The following TANK variants were observed in gnomAD, a reference collection of about 807,000 sequenced individuals.
TANK encodes TRAF family member associated NFKB activator.
In TANK, 15 loss-of-function variants were observed where a neutral mutation model predicts 43.6. That is an observed-to-expected ratio of 0.34 (90% CI 0.23 to 0.53). The LOEUF is 0.53. Among genes scored for constraint, TANK ranks in the 20% least tolerant of loss-of-function variants. The probability of loss-of-function intolerance (pLI) is 0.94; values close to 1 mark genes in which losing one functional copy is unlikely to be tolerated. For synonymous variants in TANK, 162 were observed against 178.2 expected, an observed-to-expected ratio of 0.91 and a Z score of 0.73; for missense variants, 417 against 498.6, an observed-to-expected ratio of 0.84 and a Z score of 1.56.
intron 4 of TANK, chr2:161,211,777 G>A (rs1686899917): frequency 1.0e-6 from 1 of 985,476 alleles, no homozygotes; most frequent in Admixed American, 6.1e-5. Flanking sequence ...ACAGGCCAAT[G>A]TAGGCTGGGG....
rs574435879 is a variant in TANK, at chr2:161,175,113, C to G, written c.-49-4501C>G. Among the ~76,000 whole-genome samples the G allele has an allele frequency of 2.0e-5, 3 of 152,238 alleles. No homozygotes were observed. In the South Asian group the frequency reaches 6.2e-4, roughly 32 times the overall value. On this transcript the variant is annotated intron_variant, in intron 1 of 7. Coordinates refer to ENST00000392749, the MANE Select transcript of TANK (RefSeq NM_001199135.3). ...TTGGATATCTTAGGATGCTCATATA[C>G]TATATGCTTCAAGTTACAGTTAATG...
At chr2:161,160,262 G>C (rs1421945500), upstream of TANK, 3 of 414,988 alleles carry the variant, frequency 7.2e-6, no homozygotes, top group Non-Finnish European at 1.2e-5. Context: ...GCAGGGCTGG[G>C]GGAGGGCGCT....
At chr2:161,200,318 T>A (rs1422645314) in intron 2 of TANK, 1 of 980,174 alleles carries the variant, frequency 1.0e-6, no homozygotes, top group Admixed American at 6.2e-5. Flanking sequence ...AAAAAAATAC[T>A]ATGACTGTGC....
At chr2:161,169,644 A>G (rs1684855321) in intron 1 of TANK, among the ~76,000 whole-genome samples, 1 of 152,180 alleles carries the variant, frequency 6.6e-6, no homozygotes, top group Admixed American at 6.5e-5. Context: ...TAGGAAGGGG[A>G]AAGCAGAGGA....
intron 1 of TANK, among the ~76,000 whole-genome samples, chr2:161,141,723 T>C (rs1683752655): frequency 6.6e-6 from 1 of 152,194 alleles, no homozygotes; most frequent in Non-Finnish European, 1.5e-5. Context: ...CTTTATCCTG[T>C]CTATCACTGA....
chr2:161,142,091 T>C (rs902455706), intron 1 of TANK, among the ~76,000 whole-genome samples: 2 of 152,186 alleles, frequency 1.3e-5, no homozygotes, highest in African/African-American at 4.8e-5. Context: ...GATGTTGAGC[T>C]TTTTTCCATA....
At chr2:161,231,622 C>A in intron 7 of TANK, 71 bp downstream of exon 7, 1 of 1,362,726 alleles carries the variant, frequency 7.3e-7, no homozygotes, top group Non-Finnish European at 1.0e-6. Flanking sequence ...CACAGATATG[C>A]ATCTCTTTTA....
At chr2:161,203,795 T>G (rs1275601651) in intron 3 of TANK, among the ~76,000 whole-genome samples, 200 bp downstream of exon 3, 1 of 152,058 alleles carries the variant, frequency 6.6e-6, no homozygotes, top group Non-Finnish European at 1.5e-5. Flanking sequence ...CTATACTATA[T>G]GGTAGAACTC....
chr2:161,172,210 C>T (rs1175409020), intron 1 of TANK, among the ~76,000 whole-genome samples: 3 of 152,148 alleles, frequency 2.0e-5, no homozygotes, highest in East Asian at 3.8e-4. Context: ...TTCTGGCCTC[C>T]TTCAAAGAAA....
intron 6 of TANK, among the ~76,000 whole-genome samples, chr2:161,229,071 C>A (rs1328371239): frequency 6.6e-6 from 1 of 152,222 alleles, no homozygotes; most frequent in African/African-American, 2.4e-5. Context: ...GTTCTCAGGG[C>A]ATCCAAGAGT....
rs755334395 is a variant in TANK, at chr2:161,203,574, C to T, written c.187C>T (p.Leu63Phe). ...TIIDKLKSQL[L>F]LVNSTQDNNY... ...TATTGACAAGCTAAAATCTCAGTTA[C>T]TTCTTGTGAATTCCACTCAAGGTAT... is the stretch of plus-strand genomic sequence containing the variant. The change falls in exon 3 of 8, where the codon CTT becomes TTT. Residue 63 changes from leucine to phenylalanine, a missense_variant. Leu to Phe is a conservative substitution (Grantham distance 22). Transcript: ENST00000392749. The T allele has an allele frequency of 2.3e-5, 37 of 1,609,918 alleles. No individual in the cohort carries two copies. The highest frequency in any genetic ancestry group is 3.1e-5 in the Non-Finnish European group (37 of 1,177,914).
chr2:161,185,743 G>A (rs1326483724), intron 2 of TANK, among the ~76,000 whole-genome samples: 1 of 149,866 alleles, frequency 6.7e-6, no homozygotes, highest in African/African-American at 2.4e-5. Context: ...GGATAGCATT[G>A]GGAGATATAC....
chr2:161,191,647 G>C (rs553454987), intron 2 of TANK, among the ~76,000 whole-genome samples: 2 of 152,212 alleles, frequency 1.3e-5, no homozygotes, highest in East Asian at 3.9e-4. Flanking sequence ...AGTAGAGCTA[G>C]AATTTGCAAA....
At chr2:161,163,898 A>G (rs529366919) in intron 1 of TANK, among the ~76,000 whole-genome samples, 1 of 152,344 alleles carries the variant, frequency 6.6e-6, no homozygotes, top group Non-Finnish European at 1.5e-5. Context: ...ATAATAGTGT[A>G]ATCTTTGATA....
In TANK at chr2:161,235,602, T is replaced by G; in HGVS notation, c.*84T>G. On this transcript the variant is annotated 3_prime_UTR_variant, in exon 8 of 8. Transcript: ENST00000392749. ...ATAAATACTTGATTGTAAACTAAAT[T>G]CAAGATCATTTATAGGAAAATCTAG... 1 of 1,102,002 alleles carries G rather than the reference T, an allele frequency of 9.1e-7. No homozygotes were observed. The highest frequency in any genetic ancestry group is 2.3e-5 in the South Asian group (1 of 43,596). The allele number at this position is 1,102,002 out of a possible 1,614,324, so 68.3% of individuals were successfully genotyped here. A position where few individuals can be genotyped will look rare whatever the true frequency, so the allele number is the denominator to read the frequency against.
At chr2:161,161,206 T>A in intron 1 of TANK, 1 of 1,517,614 alleles carries the variant, frequency 6.6e-7, no homozygotes, top group South Asian at 1.2e-5. Context: ...AAAGAAGAGC[T>A]GTGCCTTTAT....
At chr2:161,181,461 G>A (rs1007428129) in intron 2 of TANK, among the ~76,000 whole-genome samples, 2 of 152,046 alleles carry the variant, frequency 1.3e-5, no homozygotes, top group Non-Finnish European at 2.9e-5. Flanking sequence ...ACCTGAGACT[G>A]GGTAATTTGT....
intron 4 of TANK, among the ~76,000 whole-genome samples, chr2:161,213,612 A>G (rs1473509890): frequency 1.3e-5 from 2 of 151,814 alleles, no homozygotes; most frequent in African/African-American, 2.4e-5. Context: ...AAAAAAAAAA[A>G]AAAGAAAATT....
At position 161,235,646 on chromosome 2, in the gene TANK, T is replaced by C; in HGVS notation, c.*128T>C. ...AATCTAGTTTCACAGCTATTTGAAT[T>C]TTTTTCTGGATTTACTATATAACTC... On this transcript the variant is annotated 3_prime_UTR_variant, in exon 8 of 8. Coordinates refer to ENST00000392749, the MANE Select transcript of TANK (RefSeq NM_001199135.3). 1 of 737,770 alleles carries C rather than the reference T, an allele frequency of 1.4e-6. No homozygotes were observed. Among genetic ancestry groups the C allele is most frequent in the Non-Finnish European group, 2.0e-6 (1 of 492,446 alleles). The allele number at this position is 737,770 out of a possible 1,614,324, so 45.7% of individuals were successfully genotyped here.
Sources: gnomAD v4.1 joint callset for allele counts (sites outside exome capture counted in the v4.1 genomes callset) on GRCh38, gnomAD v4.1.1 for gene constraint, MANE v1.5 for transcripts, NCBI Gene and HGNC (gene_info 2026-07-23, HGNC 2026-07-21) for gene names.